The following RGS14 variants were observed in gnomAD, a reference collection of about 807,000 sequenced individuals.
The protein encoded by RGS14 is regulator of G protein signaling 14.
RGS14 carries 33 observed loss-of-function variants against 63.8 expected under a neutral mutation model. The ratio of observed to expected loss-of-function variants is 0.52; its 90% CI spans 0.39 to 0.69. The LOEUF is 0.69. Ranked by LOEUF, RGS14 falls within the 30% of genes least tolerant of loss-of-function variation. RGS14 has a pLI of 0.00. For synonymous variants in RGS14, 296 were observed against 320.9 expected, an observed-to-expected ratio of 0.92 and a Z score of 0.83; for missense variants, 739 against 742.9, an observed-to-expected ratio of 0.99 and a Z score of 0.06.
rs140514977 is a variant in RGS14 at position 177,371,839 on chromosome 5, C to T, written c.1499-34C>T. 367 of 1,596,562 alleles carry T rather than the reference C, an allele frequency of 2.3e-4. 3 individuals carry two copies. The African/African-American group carries it at 4.3e-3, about 19-fold the overall frequency. The stretch of plus-strand genomic sequence containing the variant: ...GTGGGCTGGCATATAGGCAGGTCTG[C>T]TGGGGGGACCCTCATGCTGTGGCTT... On this transcript the variant is annotated intron_variant, in intron 14 of 14. Transcript: ENST00000408923. The surrounding 1 kb of genome is among the most constrained non-coding windows in gnomAD (Gnocchi z 6.1).
Position 177,364,512 on chromosome 5 carries a change from G to A in RGS14, c.46-1451G>A, listed in dbSNP as rs532543905. Among the ~76,000 whole-genome samples the A allele has an allele frequency of 5.3e-5, 8 of 152,224 alleles. No individual in the cohort carries two copies. Among genetic ancestry groups the A allele is most frequent in the Non-Finnish European group, 8.8e-5 (6 of 68,006 alleles). On this transcript the variant is annotated intron_variant, in intron 1 of 14. Coordinates refer to ENST00000408923, the MANE Select transcript of RGS14 (RefSeq NM_006480.5). This position sits in a 1 kb window ranked among gnomAD's most constrained non-coding sequence, Gnocchi z 4.6. ...TGGGCTGCCTGGCCCTGCCCTCCTC[G>A]CGCACACCCTGAGCCTCTGTCCTGC...
intron 7 of RGS14, 41 bp downstream of exon 7, chr5:177,367,866 G>C: frequency 6.6e-7 from 1 of 1,511,934 alleles, no homozygotes; most frequent in Non-Finnish European, 8.8e-7. Flanking sequence ...GGGAAGGCGG[G>C]AGTTTGGTTA....
rs758033334 is a variant in RGS14, at chr5:177,366,759, T to C, written c.298T>C (p.Cys100Arg). The C allele has an allele frequency of 6.2e-7, 1 of 1,614,158 alleles. No homozygotes were observed. Among genetic ancestry groups the C allele is most frequent in the African/African-American group, 1.3e-5 (1 of 75,038 alleles). Residue 100 changes from cysteine to arginine, a missense_variant, in exon 4 of 15, where the codon TGC (cysteine) becomes CGC (arginine). Transcript: ENST00000408923. ...GGAAAACGTGACTTTCTGGAAGGCC[T>C]GCGAGCGCTTCCAGCAGATCCCGGC... is the stretch of plus-strand genomic sequence containing the variant. Reference protein sequence around the residue: ...SAENVTFWKACERFQQIPASD... With the variant: ...SAENVTFWKARERFQQIPASD...
intron 1 of RGS14, among the ~76,000 whole-genome samples, chr5:177,363,889 T>C (rs1245844946): frequency 6.6e-6 from 1 of 152,122 alleles, no homozygotes; most frequent in East Asian, 1.9e-4. Flanking sequence ...TAAGCCCTTT[T>C]GGGGAAGGTG....
Position 177,371,193 on chromosome 5 carries a change from G to A in RGS14, c.1283G>A (p.Gly428Glu). The change falls in exon 12 of 15, where the codon GGG becomes GAG. Residue 428 changes from glycine (G) to glutamate (E), a missense_variant. By Grantham distance (98) the Gly-to-Glu change is moderately conservative. Transcript: ENST00000408923. The surrounding 1 kb of genome is among the most constrained non-coding windows in gnomAD (Gnocchi z 6.1). ...RPGEKQPLDL[G>E]KLVSSVAAQR... Reference sequence around the variant, plus strand: ...GGCGAGAAACAGCCTCTGGATCTGGGGAAGCTAGTGAGCTCGGTGGCGGCC... The same window carrying A: ...GGCGAGAAACAGCCTCTGGATCTGGAGAAGCTAGTGAGCTCGGTGGCGGCC... 1 of 1,613,656 alleles carries A rather than the reference G, an allele frequency of 6.2e-7. No homozygotes were observed. The highest frequency in any genetic ancestry group is 8.5e-7 in the Non-Finnish European group (1 of 1,179,890).
chr5:177,367,292 G>T, intron 5 of RGS14, 122 bp from the exon 6 acceptor site: 1 of 1,355,788 alleles, frequency 7.4e-7, no homozygotes, highest in South Asian at 1.4e-5. Context: ...AGGTCGGGGC[G>T]GGGCTTGGGA....
intron 3 of RGS14, 62 bp from the exon 4 acceptor site, chr5:177,366,646 T>TC (rs1762099009): frequency 2.7e-6 from 4 of 1,488,054 alleles, no homozygotes; most frequent in Admixed American, 1.7e-5. Flanking sequence ...TTTGATCACA[T>TC]CCCCCAGTTT....
At chr5:177,360,631 G>A (rs1262292910) in intron 1 of RGS14, among the ~76,000 whole-genome samples, 2 of 150,108 alleles carry the variant, frequency 1.3e-5, no homozygotes, top group Non-Finnish European at 3.0e-5. Context: ...AGGGAGAGAG[G>A]AGGCAGGCAC....
At position 177,371,069 on chromosome 5, in the gene RGS14, C is replaced by CGGGGCCGGGGCCGGGGCCG. The variant is rs566940283; in HGVS notation, c.1254+41_1254+42insGCCGGGGCCGGGGCCGGGG. 102 of 552,532 alleles carry CGGGGCCGGGGCCGGGGCCG rather than the reference C, an allele frequency of 1.8e-4. 5 individuals carry two copies. The African/African-American group carries it at 3.5e-3, about 19-fold the overall frequency. The allele number at this position is 552,532 out of a possible 1,614,324, so 34.2% of individuals were successfully genotyped here. A position where few individuals can be genotyped will look rare whatever the true frequency, so the allele number is the denominator to read the frequency against. ...GCCGCGGGGCGGGGCGGGGCGGGGC[C>CGGGGCCGGGGCCGGGGCCG]GGGCCGGGGCCGGGGCCGGGGCCGG... On this transcript the variant is annotated intron_variant, in intron 11 of 14. Coordinates refer to ENST00000408923, the MANE Select transcript of RGS14 (RefSeq NM_006480.5). The surrounding 1 kb of genome is among the most constrained non-coding windows in gnomAD (Gnocchi z 6.1).
At chr5:177,366,614 G>T (rs773044586) in intron 3 of RGS14, 94 bp from the exon 4 acceptor site, 19 of 1,251,038 alleles carry the variant, frequency 1.5e-5, no homozygotes, top group Non-Finnish European at 2.0e-5. Context: ...TGGTCTCTTG[G>T]CCCTGTCTCT....
Position 177,367,734 on chromosome 5 carries a change from G to A in RGS14, c.648G>A (p.Gly216=), listed in dbSNP as rs933043338. Residue 216 remains glycine, a synonymous_variant, in exon 7 of 15, where the codon GGG becomes GGA. Transcript: ENST00000408923. ...CACAGAAGCCGAAGCTGAAGCCCGG[G>A]AAGTCGCTGCCGCTGGGTGTGGAGG... ...ATRKKPKLKP[G]KSLPLGVEEL... 7 of 1,613,074 alleles carry A rather than the reference G, an allele frequency of 4.3e-6. No individual in the cohort carries two copies. The African/African-American group carries it at 9.3e-5, about 22-fold the overall frequency.
chr5:177,370,793 C>T, intron 10 of RGS14, 112 bp from the exon 11 acceptor site: 1 of 1,461,544 alleles, frequency 6.8e-7, no homozygotes. Flanking sequence ...CCGCCCCCTA[C>T]AAGCCAGTCC....
Position 177,364,175 on chromosome 5 carries a change from G to A in RGS14, c.46-1788G>A, listed in dbSNP as rs543911259. Among the ~76,000 whole-genome samples the A allele has an allele frequency of 6.6e-6, 1 of 152,288 alleles. No individual in the cohort carries two copies. Among genetic ancestry groups the A allele is most frequent in the East Asian group, 1.9e-4 (1 of 5,192 alleles). On this transcript the variant is annotated intron_variant, in intron 1 of 14. Coordinates refer to ENST00000408923, the MANE Select transcript of RGS14 (RefSeq NM_006480.5). The surrounding 1 kb of genome is among the most constrained non-coding windows in gnomAD (Gnocchi z 4.6). ...CAGAGAGGAAGGTTCCATTCAGGAG[G>A]GTGGGGGTTGGGGGGCTTTCCGGGG...
Position 177,357,952 on chromosome 5 carries a change from A to C in RGS14, c.-73A>C. On this transcript the variant is annotated 5_prime_UTR_variant, in exon 1 of 15. Transcript: ENST00000408923. ...TCCACTGCCTGCCCGCCACCGTGCA[A>C]GCTCTGGCCGGCGCTGCCCACAGTC... The C allele has an allele frequency of 7.9e-7, 1 of 1,261,752 alleles. No homozygotes were observed. The highest frequency in any genetic ancestry group is 1.0e-6 in the Non-Finnish European group (1 of 987,640). 78.2% of individuals were successfully genotyped at this position (1,261,752 alleles called of 1,614,324 possible).
chr5:177,367,990 T>G, intron 7 of RGS14, 165 bp downstream of exon 7: 1 of 1,440,100 alleles, frequency 6.9e-7, no homozygotes, highest in Non-Finnish European at 9.1e-7. Context: ...GGTCTTGGGC[T>G]AGACCTCAGA....
In RGS14 at chr5:177,358,171, T is replaced by A; in HGVS notation, c.45+102T>A. ...CAGGGCCAGGCAAGAGCCCACGGGC[T>A]GCCAGCAGGCGAGAGAAGTTGGGTA... On this transcript the variant is annotated intron_variant, in intron 1 of 14. Transcript: ENST00000408923. The surrounding 1 kb of genome is among the most constrained non-coding windows in gnomAD (Gnocchi z 4.8). 4 of 1,012,444 alleles carry A rather than the reference T, an allele frequency of 4.0e-6. No homozygotes were observed. In the South Asian group the frequency reaches 1.4e-4, roughly 34 times the overall value. The allele number at this position is 1,012,444 out of a possible 1,614,324, so 62.7% of individuals were successfully genotyped here. A position where few individuals can be genotyped will look rare whatever the true frequency, so the allele number is the denominator to read the frequency against.
chr5:177,363,012 G>A (rs1251607820), intron 1 of RGS14, among the ~76,000 whole-genome samples: 1 of 152,296 alleles, frequency 6.6e-6, no homozygotes, highest in South Asian at 2.1e-4. Flanking sequence ...CCCAGCGGAG[G>A]GGGGCGAGTC....
rs748050483 is a variant in RGS14 at position 177,371,046 on chromosome 5, C to CGCGGGGCGGG, written c.1254+28_1254+37dup. Reference sequence around the variant, plus strand: ...TGCTGCACCGGGTGAGCTTCCGGGCCGCGGGGCGGGGCGGGGCGGGGCCGG... The same window carrying CGCGGGGCGGG: ...TGCTGCACCGGGTGAGCTTCCGGGCCGCGGGGCGGGGCGGGGCGGGGCGGGGCGGGGCCGG... On this transcript the variant is annotated intron_variant, in intron 11 of 14. Transcript: ENST00000408923. The surrounding 1 kb of genome is among the most constrained non-coding windows in gnomAD (Gnocchi z 6.1). The CGCGGGGCGGG allele has an allele frequency of 2.8e-4, 384 of 1,357,684 alleles. 8 individuals carry two copies. In the African/African-American group the frequency reaches 5.8e-3, roughly 21 times the overall value. The allele number at this position is 1,357,684 out of a possible 1,614,324, so 84.1% of individuals were successfully genotyped here.
In RGS14 at chr5:177,366,801, G is replaced by C; in HGVS notation, c.339+1G>C. On this transcript the variant is annotated splice_donor_variant, in intron 4 of 14. Coordinates refer to ENST00000408923, the MANE Select transcript of RGS14 (RefSeq NM_006480.5). LOFTEE classifies it high-confidence loss of function. ...GATCCCGGCCAGCGATACCCAGCAG[G>C]TGGGGGAAGGGGGAGCTGGGGCCGA... 1 of 1,614,190 alleles carries C rather than the reference G, an allele frequency of 6.2e-7. No individual in the cohort carries two copies. Among genetic ancestry groups the C allele is most frequent in the Non-Finnish European group, 8.5e-7 (1 of 1,180,028 alleles).
Sources: gnomAD v4.1 joint callset for allele counts (sites outside exome capture counted in the v4.1 genomes callset) on GRCh38, gnomAD v4.1.1 for gene constraint, Gnocchi (gnomAD v3.1) non-coding constraint, MANE v1.5 for transcripts, NCBI Gene and HGNC (gene_info 2026-07-23, HGNC 2026-07-21) for gene names.